The following BCKDHB variants were observed in gnomAD, a reference collection of about 807,000 sequenced individuals.
BCKDHB encodes the protein branched chain keto acid dehydrogenase E1 subunit beta.
BCKDHB carries 41 observed loss-of-function variants against 48.5 expected under a neutral mutation model. The observed-to-expected ratio is 0.85, with a 90% CI of 0.66 to 1.10. BCKDHB has a LOEUF of 1.10. Ranked by LOEUF, BCKDHB falls within the 50% of genes least tolerant of loss-of-function variation. The pLI, the probability that BCKDHB is intolerant of heterozygous loss-of-function variation, is 0.00. For missense variants in BCKDHB, 496 were observed against 494.2 expected (o/e 1.00, Z -0.03); for synonymous variants, 201 against 174.8 (o/e 1.15, Z -1.18).
intron 1 of BCKDHB, among the ~76,000 whole-genome samples, chr6:80,121,144 G>C (rs952908673): frequency 6.6e-6 from 1 of 151,780 alleles, no homozygotes; most frequent in African/African-American, 2.4e-5. Context: ...TCTTATTTTT[G>C]TCAGGTTTAT....
the BCKDHB span, among the ~76,000 whole-genome samples, chr6:80,386,277 A>G: frequency 6.6e-6 from 1 of 151,794 alleles, no homozygotes; most frequent in African/African-American, 2.4e-5. Context: ...TATTTGTTGC[A>G]GCACTATTTA....
the BCKDHB span, among the ~76,000 whole-genome samples, chr6:80,421,752 TG>T: frequency 6.6e-6 from 1 of 152,148 alleles, no homozygotes; most frequent in Non-Finnish European, 1.5e-5. Flanking sequence ...GGGTATCTGG[TG>T]GAAGAAATTT....
intron 9 of BCKDHB, among the ~76,000 whole-genome samples, chr6:80,305,710 C>G (rs1767839057): frequency 6.6e-6 from 1 of 152,160 alleles, no homozygotes; most frequent in South Asian, 2.1e-4. Flanking sequence ...GTGGACATCA[C>G]TTGTCTCTGT....
chr6:80,420,529 C>A, the BCKDHB span, among the ~76,000 whole-genome samples: 1 of 152,182 alleles, frequency 6.6e-6, no homozygotes, highest in Non-Finnish European at 1.5e-5. Flanking sequence ...CAGAATCATG[C>A]CAGCTACTAA....
chr6:80,419,327 GA>G, the BCKDHB span, among the ~76,000 whole-genome samples: 3 of 152,174 alleles, frequency 2.0e-5, no homozygotes, highest in Non-Finnish European at 2.9e-5. Context: ...CACCAGCACA[GA>G]AGCTATGGTG....
At chr6:80,188,001 C>T (rs1050119315) in intron 6 of BCKDHB, among the ~76,000 whole-genome samples, 1 of 152,168 alleles carries the variant, frequency 6.6e-6, no homozygotes, top group Non-Finnish European at 1.5e-5. Context: ...GAATATGAGT[C>T]ATTCTACCAT....
intron 9 of BCKDHB, among the ~76,000 whole-genome samples, chr6:80,325,821 C>T (rs962804482): frequency 6.6e-6 from 1 of 152,124 alleles, no homozygotes; most frequent in African/African-American, 2.4e-5. Flanking sequence ...AAACACCAGA[C>T]AAATTTCAGT....
In BCKDHB at chr6:80,300,613, C is replaced by T. The variant is rs974777157; in HGVS notation, c.1038+27392C>T. 1.1e-4 allele frequency among the ~76,000 whole-genome samples: 16 copies of T among 152,262 alleles called. No individual in the cohort carries two copies. The South Asian group carries it at 3.3e-3, about 32-fold the overall frequency. On this transcript the variant is annotated intron_variant, in intron 9 of 9. Coordinates refer to ENST00000320393, the MANE Select transcript of BCKDHB (RefSeq NM_183050.4). ...TTAGAAATATCACTGAGGCAGAAAA[C>T]TAATAAACTCTGGATGTTAACTCAA... is the stretch of plus-strand genomic sequence containing the variant.
At chr6:80,433,901 AT>A in the BCKDHB span, among the ~76,000 whole-genome samples, 26 of 151,986 alleles carry the variant, frequency 1.7e-4, no homozygotes, top group Admixed American at 7.9e-4. Flanking sequence ...ATATTTGGAA[AT>A]TTTTTTGGCC....
At chr6:80,422,672 G>A in the BCKDHB span, among the ~76,000 whole-genome samples, 449 of 152,280 alleles carry the variant, frequency 2.9e-3, 1 homozygote, top group Non-Finnish European at 5.0e-3. Flanking sequence ...GTCAAAGGAG[G>A]TTATTTTAAA....
At chr6:80,302,654 A>G (rs1350024077) in intron 9 of BCKDHB, among the ~76,000 whole-genome samples, 1 of 152,160 alleles carries the variant, frequency 6.6e-6, no homozygotes, top group East Asian at 1.9e-4. Flanking sequence ...TGCAAACCAA[A>G]TGAGCTTGAG....
the BCKDHB span, among the ~76,000 whole-genome samples, chr6:80,436,206 T>TG: frequency 1.6e-5 from 2 of 122,950 alleles, no homozygotes; most frequent in South Asian, 5.5e-4. Flanking sequence ...CAGGCTGGAG[T>TG]GGAGTGCAGT....
chr6:80,287,113 T>C (rs1422263671), intron 9 of BCKDHB, among the ~76,000 whole-genome samples: 1 of 152,172 alleles, frequency 6.6e-6, no homozygotes, highest in Non-Finnish European at 1.5e-5. Context: ...AACATTGTTC[T>C]CTTTCCCACC....
intron 9 of BCKDHB, among the ~76,000 whole-genome samples, chr6:80,313,407 C>T (rs1292638850): frequency 6.6e-6 from 1 of 152,172 alleles, no homozygotes; most frequent in African/African-American, 2.4e-5. Context: ...GTCACCCAGG[C>T]TGGAGTGCAG....
At chr6:80,106,662 G>T, upstream of BCKDHB, 1 of 1,546,660 alleles carries the variant, frequency 6.5e-7, no homozygotes, top group Middle Eastern at 2.3e-4. Flanking sequence ...GCGTGCGGCT[G>T]CATAGCCTGA....
chr6:80,305,728 G>A (rs1003147650), intron 9 of BCKDHB, among the ~76,000 whole-genome samples: 6 of 152,140 alleles, frequency 3.9e-5, no homozygotes, highest in African/African-American at 1.4e-4. Context: ...TGTCCCTTAA[G>A]AGACCCCAAA....
At chr6:80,402,312 T>C in the BCKDHB span, among the ~76,000 whole-genome samples, 1 of 151,788 alleles carries the variant, frequency 6.6e-6, no homozygotes, top group Non-Finnish European at 1.5e-5. Flanking sequence ...ACCAATCTAA[T>C]AGGCGTGAGA....
chr6:80,416,944 G>T, the BCKDHB span, among the ~76,000 whole-genome samples: 1 of 151,884 alleles, frequency 6.6e-6, no homozygotes, highest in Non-Finnish European at 1.5e-5. Flanking sequence ...CCAGTATGGT[G>T]AGTGGGGTGT....
In BCKDHB at chr6:80,171,320, T is replaced by G. The variant is rs1488608145; in HGVS notation, c.672T>G (p.Leu224=). The G allele has an allele frequency of 1.6e-5, 25 of 1,609,138 alleles. No homozygotes were observed. Among genetic ancestry groups the G allele is most frequent in the Non-Finnish European group, 2.0e-5 (23 of 1,177,958 alleles). ...GAAGCCCTTTCCAGGCCAAAGGACT[T>G]CTTTTGTCATGCATAGAGGATAAAA... is the stretch of plus-strand genomic sequence containing the variant. ...IPRSPFQAKG[L]LLSCIEDKNP... is the part of the protein sequence containing the mutation. Residue 224 remains leucine (L), a synonymous_variant, in exon 6 of 10, where the codon CTT becomes CTG. Coordinates refer to ENST00000320393, the MANE Select transcript of BCKDHB (RefSeq NM_183050.4).
Sources: gnomAD v4.1 joint callset for allele counts (sites outside exome capture counted in the v4.1 genomes callset) on GRCh38, gnomAD v4.1.1 for gene constraint, MANE v1.5 for transcripts, NCBI Gene and HGNC (gene_info 2026-07-23, HGNC 2026-07-21) for gene names.